Variants in SEC22A observed in about 807,000 individuals in gnomAD.
SEC22A encodes SEC22 homolog A, vesicle trafficking protein.
Under a neutral mutation model 35.3 loss-of-function variants are expected in SEC22A, and 22 were observed. The ratio of observed to expected loss-of-function variants is 0.62; its 90% CI spans 0.45 to 0.89. The LOEUF (loss-of-function observed/expected upper bound fraction) is 0.89. Ranked by LOEUF, SEC22A falls within the 40% of genes least tolerant of loss-of-function variation. The probability of loss-of-function intolerance (pLI) is 0.00; values close to 1 mark genes in which losing one functional copy is unlikely to be tolerated. For missense variants in SEC22A, 354 were observed against 362.5 expected, an observed-to-expected ratio of 0.98 and a Z score of 0.19; for synonymous variants, 119 against 129.5, an observed-to-expected ratio of 0.92 and a Z score of 0.55.
chr3:123,252,223 C>G (rs377230369), intron 5 of SEC22A, among the ~76,000 whole-genome samples: 2 of 152,092 alleles, frequency 1.3e-5, no homozygotes, highest in East Asian at 3.9e-4. Context: ...AAGACATACT[C>G]TTAGCCCTCT....
rs1559763879 is a variant in SEC22A at position 123,260,169 on chromosome 3, A to AAAAAAAAAAAAAC, written c.723+580_723+581insAAAAAAAAAAAAC. 8.7e-5 allele frequency among the ~76,000 whole-genome samples: 10 copies of AAAAAAAAAAAAAC among 114,838 alleles called. 1 individual carries two copies. The highest frequency in any genetic ancestry group is 2.4e-4 in the African/African-American group (7 of 28,758). The allele number at this position is 114,838 out of a possible 152,430, so 75.3% of individuals were successfully genotyped here. A position where few individuals can be genotyped will look rare whatever the true frequency, so the allele number is the denominator to read the frequency against. ...AAAAAAAAAAAAAAAAAAAAAAAAA[A>AAAAAAAAAAAAAC]CTACTAGATTTTCTGGTGGTTGATT... is the stretch of plus-strand genomic sequence containing the variant. On this transcript the variant is annotated intron_variant, in intron 6 of 6. Transcript: ENST00000492595.
At chr3:123,260,641 T>C (rs1284194594) in intron 6 of SEC22A, among the ~76,000 whole-genome samples, 5 of 152,180 alleles carry the variant, frequency 3.3e-5, no homozygotes, top group Admixed American at 3.3e-4. Flanking sequence ...TTGACCTAAC[T>C]TTTTTGTAAG....
intron 4 of SEC22A, among the ~76,000 whole-genome samples, chr3:123,232,249 AGAAAT>A (rs1255001539): frequency 1.3e-5 from 2 of 152,232 alleles, no homozygotes; most frequent in African/African-American, 4.8e-5. Flanking sequence ...AAAAGAAAAA[AGAAAT>A]GAAAAGGATG....
At chr3:123,218,108 G>T (rs1937065126) in intron 2 of SEC22A, among the ~76,000 whole-genome samples, 1 of 152,188 alleles carries the variant, frequency 6.6e-6, no homozygotes, top group African/African-American at 2.4e-5. Flanking sequence ...GGAATCACTT[G>T]TGGAATGGCT....
At chr3:123,220,848 T>A (rs1227708692) in intron 2 of SEC22A, among the ~76,000 whole-genome samples, 2 of 119,508 alleles carry the variant, frequency 1.7e-5, no homozygotes, top group African/African-American at 5.9e-5. Context: ...CTGCCTAGGA[T>A]GGTCTTTAAA....
chr3:123,242,021 G>T (rs1398445269), intron 4 of SEC22A, among the ~76,000 whole-genome samples: 1 of 151,766 alleles, frequency 6.6e-6, no homozygotes, highest in Admixed American at 6.6e-5. Flanking sequence ...TTTACTTTAA[G>T]GTCAGATTTT....
intron 4 of SEC22A, chr3:123,243,967 A>C (rs1332286435): frequency 6.6e-6 from 1 of 152,202 alleles, no homozygotes; most frequent in East Asian, 1.9e-4. Context: ...ACCAGATGAC[A>C]CTGCTTTGGA....
chr3:123,254,723 A>ATTTCT (rs746026727), intron 5 of SEC22A, among the ~76,000 whole-genome samples: 2 of 146,980 alleles, frequency 1.4e-5, no homozygotes, highest in Non-Finnish European at 3.0e-5. Flanking sequence ...TTTACCCTCT[A>ATTTCT]TTTCTTTTCT....
In SEC22A at chr3:123,255,082, T is replaced by C. The variant is rs1406022982; in HGVS notation, c.658-4442T>C. ...ACAGCAGAAACTCTTTAGAGTCTTA[T>C]CTTATGTACCCTCTCTGCCTCATCT... On this transcript the variant is annotated intron_variant, in intron 5 of 6. Coordinates refer to ENST00000492595, the MANE Select transcript of SEC22A (RefSeq NM_012430.5). 3.9e-5 allele frequency among the ~76,000 whole-genome samples: 6 copies of C among 152,208 alleles called. No homozygotes were observed. In the East Asian group the frequency reaches 1.2e-3, roughly 29 times the overall value.
intron 2 of SEC22A, among the ~76,000 whole-genome samples, chr3:123,221,698 T>C (rs1312900836): frequency 1.3e-5 from 2 of 152,034 alleles, no homozygotes; most frequent in African/African-American, 2.4e-5. Flanking sequence ...AAGCTTTTTT[T>C]CCAATAGAAT....
intron 5 of SEC22A, among the ~76,000 whole-genome samples, chr3:123,257,995 G>GAAAAAAAA (rs61068587): frequency 9.0e-6 from 1 of 111,482 alleles, no homozygotes; most frequent in African/African-American, 3.1e-5. Context: ...CCATCTCATT[G>GAAAAAAAA]AAAAAAAAAA....
chr3:123,265,417 T>C (rs1938005004), intron 6 of SEC22A, among the ~76,000 whole-genome samples: 1 of 152,022 alleles, frequency 6.6e-6, no homozygotes, highest in Admixed American at 6.6e-5. Context: ...TGGTTTCAGA[T>C]CAGTCTGTAT....
chr3:123,229,155 G>C (rs917668002), intron 4 of SEC22A, among the ~76,000 whole-genome samples: 1 of 152,134 alleles, frequency 6.6e-6, no homozygotes, highest in Admixed American at 6.5e-5. Flanking sequence ...CTCCAAATGG[G>C]ATACACACGA....
rs1438850652 is a variant in SEC22A, at chr3:123,271,949, T to G, written c.*227T>G. 2 of 562,916 alleles carry G rather than the reference T, an allele frequency of 3.6e-6. No individual in the cohort carries two copies. The highest frequency in any genetic ancestry group is 5.9e-5 in the East Asian group (2 of 33,676). 34.9% of individuals were successfully genotyped at this position (562,916 alleles called of 1,614,324 possible). A position where few individuals can be genotyped will look rare whatever the true frequency, so the allele number is the denominator to read the frequency against. On this transcript the variant is annotated 3_prime_UTR_variant, in exon 7 of 7. Coordinates refer to ENST00000492595, the MANE Select transcript of SEC22A (RefSeq NM_012430.5). ...TTCAGAGGAGGAGGGGATTTCTCTC[T>G]TCAAGGCCGTAACAGTGGAAGAACA...
In SEC22A at chr3:123,262,959, A is replaced by G. The variant is rs79893670; in HGVS notation, c.723+3370A>G. The stretch of plus-strand genomic sequence containing the variant: ...TGTTACCATCTTGCAAAACTATATA[A>G]AACGGTATCACAACCAGAGTATTGA... On this transcript the variant is annotated intron_variant, in intron 6 of 6. Transcript: ENST00000492595. Among the ~76,000 whole-genome samples the G allele has an allele frequency of 6.8e-3, 1,030 of 152,314 alleles. 12 individuals carry two copies. The highest frequency in any genetic ancestry group is 0.023 in the African/African-American group (957 of 41,552).
intron 6 of SEC22A, among the ~76,000 whole-genome samples, chr3:123,265,600 TGTG>T (rs78443588): frequency 0.2 from 29,789 of 151,926 alleles, 3,002 homozygotes; most frequent in Middle Eastern, 0.27. Context: ...GGGTCATGCT[TGTG>T]GTGGTCAAGT....
At chr3:123,217,341 G>A (rs949863442) in intron 2 of SEC22A, among the ~76,000 whole-genome samples, 1 of 151,946 alleles carries the variant, frequency 6.6e-6, no homozygotes, top group Non-Finnish European at 1.5e-5. Flanking sequence ...GGGACTACAG[G>A]TGCCCGCCAC....
rs182423830 is a variant in SEC22A at position 123,261,126 on chromosome 3, C to T, written c.723+1537C>T. On this transcript the variant is annotated intron_variant, in intron 6 of 6. Transcript: ENST00000492595. Reference sequence around the variant, plus strand: ...CTGGGATTACAGGCGTGAGCCACCGCGCCTGACCAAAAAAATTGCTTGATT... The same window carrying T: ...CTGGGATTACAGGCGTGAGCCACCGTGCCTGACCAAAAAAATTGCTTGATT... 3.2e-3 allele frequency among the ~76,000 whole-genome samples: 485 copies of T among 151,982 alleles called. 3 individuals are homozygous for T. The highest frequency in any genetic ancestry group is 5.5e-3 in the Non-Finnish European group (376 of 67,988).
rs536059109 is a variant in SEC22A at position 123,256,906 on chromosome 3, C to G, written c.658-2618C>G. Among the ~76,000 whole-genome samples, 262 of 151,968 alleles carry G rather than the reference C, an allele frequency of 1.7e-3. 2 individuals carry two copies. The highest frequency in any genetic ancestry group is 0.015 in the South Asian group (70 of 4,804). The stretch of plus-strand genomic sequence containing the variant: ...TCCCGAGTATCTGGGACTACAGGTG[C>G]CCGCCACCACGCCCGGCTAATTTTT... On this transcript the variant is annotated intron_variant, in intron 5 of 6. Transcript: ENST00000492595.
Sources: allele counts gnomAD v4.1 joint callset (sites outside exome capture counted in the v4.1 genomes callset), GRCh38; gene constraint gnomAD v4.1.1; transcripts MANE v1.5; gene names NCBI Gene and HGNC (gene_info 2026-07-23, HGNC 2026-07-21).